FOXP2: variants seen among roughly 807,000 people sequenced by gnomAD.
FOXP2 encodes forkhead box P2, also known as forkhead box protein P2.
A neutral mutation model predicts 115.8 loss-of-function variants in FOXP2; 12 were observed. The ratio of observed to expected loss-of-function variants is 0.10; its 90% CI spans 0.07 to 0.17. The LOEUF (loss-of-function observed/expected upper bound fraction) is 0.17. Among genes scored for constraint, FOXP2 ranks in the 10% least tolerant of loss-of-function variants. The pLI, the probability that FOXP2 is intolerant of heterozygous loss-of-function variation, is 1.00. For synonymous variants in FOXP2, 328 were observed against 297.7 expected (o/e 1.10, Z -1.05); for missense variants, 629 against 843.5 (o/e 0.75, Z 3.15).
chr7:114,145,885 A>G (rs768862084), intron 1 of FOXP2, among the ~76,000 whole-genome samples: 1 of 152,152 alleles, frequency 6.6e-6, no homozygotes, highest in Non-Finnish European at 1.5e-5. Context: ...TGTAAACATT[A>G]TTTACATTTT....
chr7:114,450,196 CA>C (rs1670886944), intron 2 of FOXP2, among the ~76,000 whole-genome samples: 2 of 151,996 alleles, frequency 1.3e-5, no homozygotes, highest in Admixed American at 6.6e-5. Flanking sequence ...TACACTTAAC[CA>C]AAAACATATG....
intron 2 of FOXP2, among the ~76,000 whole-genome samples, chr7:114,345,636 A>G (rs572463117): frequency 7.9e-5 from 12 of 151,782 alleles, no homozygotes; most frequent in African/African-American, 2.9e-4. Flanking sequence ...TACTGCCTGC[A>G]TTTCATTAAT....
chr7:114,567,931 A>G (rs530249144), intron 3 of FOXP2, among the ~76,000 whole-genome samples: 1 of 152,246 alleles, frequency 6.6e-6, no homozygotes, highest in East Asian at 1.9e-4. Context: ...ATGATAGTGC[A>G]AAGTTTATTC....
intron 2 of FOXP2, among the ~76,000 whole-genome samples, chr7:114,481,227 C>T (rs1376234701): frequency 6.6e-6 from 1 of 151,198 alleles, no homozygotes; most frequent in Non-Finnish European, 1.5e-5. Context: ...AAGCTTCTTA[C>T]TTGCCCTCCT....
chr7:114,602,489 A>G (rs1160501724), intron 3 of FOXP2, among the ~76,000 whole-genome samples: 2 of 152,088 alleles, frequency 1.3e-5, no homozygotes, highest in African/African-American at 2.4e-5. Flanking sequence ...CACCTAAAAG[A>G]TTCCTATGAT....
chr7:114,499,685 T>G (rs907482482), intron 2 of FOXP2: 2 of 152,192 alleles, frequency 1.3e-5, no homozygotes, highest in Non-Finnish European at 2.9e-5. Flanking sequence ...ATTCTAAAAC[T>G]TTTTCTCTTG....
At chr7:114,328,233 C>CTTTTTTTT (rs1193894946) in intron 2 of FOXP2, among the ~76,000 whole-genome samples, 5 of 129,602 alleles carry the variant, frequency 3.9e-5, no homozygotes, top group African/African-American at 8.8e-5. Context: ...CTTTTCTTTT[C>CTTTTTTTT]TTTTTTTTTT....
chr7:114,631,496 G>A, intron 5 of FOXP2, 32 bp from the exon 6 acceptor site: 1 of 1,552,486 alleles, frequency 6.4e-7, no homozygotes, highest in Non-Finnish European at 8.7e-7. Flanking sequence ...CATGTTCTCT[G>A]CTGTTTACTG....
intron 2 of FOXP2, among the ~76,000 whole-genome samples, chr7:114,314,665 G>A (rs1206473860): frequency 1.3e-5 from 2 of 152,172 alleles, no homozygotes; most frequent in African/African-American, 4.8e-5. Context: ...AGGTTGGTAT[G>A]TAGTAGGTAC....
chr7:114,426,973 A>C (rs989811164), intron 2 of FOXP2, among the ~76,000 whole-genome samples: 1 of 151,652 alleles, frequency 6.6e-6, no homozygotes, highest in African/African-American at 2.4e-5. Context: ...CTAGTTTACT[A>C]TCTTACATTG....
chr7:114,580,900 A>G (rs1801820251), intron 3 of FOXP2, among the ~76,000 whole-genome samples: 1 of 152,032 alleles, frequency 6.6e-6, no homozygotes, highest in Non-Finnish European at 1.5e-5. Context: ...TATACAGGAG[A>G]CTAGAGTCCC....
chr7:114,692,171 G>C lies in FOXP2; in HGVS notation c.*2245G>C, dbSNP rs1229450085. On this transcript the variant is annotated 3_prime_UTR_variant, in exon 17 of 17. Coordinates refer to ENST00000350908, the MANE Select transcript of FOXP2 (RefSeq NM_014491.4). ...GAAAGGAAAAATGGGTCTTTCAGGT[G>C]CATGTTCAAAAGGCTTTGAGGGACT... is the stretch of plus-strand genomic sequence containing the variant. 6.6e-6 allele frequency: 3 copies of C among 453,898 alleles called. No individual in the cohort carries two copies. The highest frequency in any genetic ancestry group is 4.7e-5 in the South Asian group (3 of 64,464). The allele number at this position is 453,898 out of a possible 1,614,324, so 28.1% of individuals were successfully genotyped here.
At chr7:114,299,787 A>AT (rs1796833595) in intron 2 of FOXP2, among the ~76,000 whole-genome samples, 1 of 152,022 alleles carries the variant, frequency 6.6e-6, no homozygotes, top group African/African-American at 2.4e-5. Flanking sequence ...AGGGAAGAGG[A>AT]TTGAGGAGCT....
chr7:114,438,000 A>C (rs2129210757), intron 2 of FOXP2, among the ~76,000 whole-genome samples: 1 of 152,350 alleles, frequency 6.6e-6, no homozygotes, highest in Middle Eastern at 3.4e-3. Context: ...AATGTTTATA[A>C]CTGATTACAT....
chr7:114,247,462 T>A (rs1439684666), intron 1 of FOXP2, among the ~76,000 whole-genome samples: 1 of 152,182 alleles, frequency 6.6e-6, no homozygotes, highest in African/African-American at 2.4e-5. Flanking sequence ...CAAAATCCTA[T>A]TTACTTCCTT....
chr7:114,291,934 G>C (rs1183967445), intron 2 of FOXP2, among the ~76,000 whole-genome samples: 1 of 139,796 alleles, frequency 7.2e-6, no homozygotes, highest in Non-Finnish European at 1.5e-5. Flanking sequence ...ATAATATATA[G>C]AATATATATT....
intron 3 of FOXP2, among the ~76,000 whole-genome samples, chr7:114,559,561 C>G (rs1800649213): frequency 6.6e-6 from 1 of 152,134 alleles, no homozygotes; most frequent in Admixed American, 6.5e-5. Flanking sequence ...TATTCTGTAA[C>G]TCTTGTTAAT....
At chr7:114,554,016 A>G (rs1333007283) in intron 3 of FOXP2, among the ~76,000 whole-genome samples, 3 of 152,004 alleles carry the variant, frequency 2.0e-5, no homozygotes, top group Non-Finnish European at 4.4e-5. Flanking sequence ...TTACTTAAAA[A>G]CCTCTAGAAA....
chr7:114,191,407 A>G (rs1483020132), intron 1 of FOXP2, among the ~76,000 whole-genome samples: 2 of 152,082 alleles, frequency 1.3e-5, no homozygotes, highest in Admixed American at 1.3e-4. Context: ...ACATATACCT[A>G]TTTGTTCTAC....
Sources: gnomAD v4.1 joint callset for allele counts (sites outside exome capture counted in the v4.1 genomes callset) on GRCh38, gnomAD v4.1.1 for gene constraint, MANE v1.5 for transcripts, NCBI Gene and HGNC (gene_info 2026-07-23, HGNC 2026-07-21) for gene names.